Variants in NRXN3 observed in about 807,000 individuals in gnomAD.
The protein encoded by NRXN3 is neurexin III.
A neutral mutation model predicts 137.6 loss-of-function variants in NRXN3; 32 were observed. That is an observed-to-expected ratio of 0.23 (90% CI 0.18 to 0.31). The LOEUF (loss-of-function observed/expected upper bound fraction) is 0.31, where lower values mean the gene tolerates loss of function less well. Among genes scored for constraint, NRXN3 ranks in the 10% least tolerant of loss-of-function variants. NRXN3 has a pLI of 1.00. For synonymous variants in NRXN3, 798 were observed against 784.5 expected, an observed-to-expected ratio of 1.02 and a Z score of -0.29; for missense variants, 1,574 against 2,062.5, an observed-to-expected ratio of 0.76 and a Z score of 4.59.
At chr14:78,717,250 C>T (rs943574105) in intron 8 of NRXN3, among the ~76,000 whole-genome samples, 6 of 152,206 alleles carry the variant, frequency 3.9e-5, no homozygotes, top group South Asian at 2.1e-4. Flanking sequence ...GGTGAATCAA[C>T]GGGAGTTGGT....
intron 15 of NRXN3, among the ~76,000 whole-genome samples, chr14:79,348,196 A>T (rs1048380246): frequency 1.3e-5 from 2 of 152,106 alleles, no homozygotes; most frequent in Admixed American, 6.5e-5. Flanking sequence ...ATTTTTAATT[A>T]TTTAGTTGAC....
At chr14:79,742,286 T>A (rs184555707) in intron 19 of NRXN3, among the ~76,000 whole-genome samples, 199 of 152,340 alleles carry the variant, frequency 1.3e-3, no homozygotes, top group Middle Eastern at 3.4e-3. Flanking sequence ...GAGTTTTGCA[T>A]GATAATGTAC....
chr14:79,044,698 AACAC>A lies in NRXN3; in HGVS notation c.3262+56579_3262+56582del, dbSNP rs61363440. ...ATCTCAGAAAATAGACTCAAAAGTG[AACAC>A]ACACACACACACACACACACATATA... On this transcript the variant is annotated intron_variant, in intron 15 of 20. Transcript: ENST00000335750. Among the ~76,000 whole-genome samples, 216 of 149,616 alleles carry A rather than the reference AACAC, an allele frequency of 1.4e-3. 1 individual carries two copies. The highest frequency in any genetic ancestry group is 1.6e-3 in the Non-Finnish European group (105 of 67,146).
intron 15 of NRXN3, among the ~76,000 whole-genome samples, chr14:79,252,806 T>C (rs1347007650): frequency 6.6e-6 from 1 of 152,178 alleles, no homozygotes; most frequent in African/African-American, 2.4e-5. Flanking sequence ...ATACCTTCCC[T>C]CTGTTTTGTA....
intron 3 of NRXN3, among the ~76,000 whole-genome samples, chr14:78,280,394 AGAG>A (rs2074239425): frequency 6.6e-6 from 1 of 152,210 alleles, no homozygotes; most frequent in African/African-American, 2.4e-5. Context: ...GAAGCAGGAT[AGAG>A]GAGAAGTCCC....
At chr14:79,005,536 C>T (rs1212047129) in intron 15 of NRXN3, among the ~76,000 whole-genome samples, 1 of 152,178 alleles carries the variant, frequency 6.6e-6, no homozygotes, top group Non-Finnish European at 1.5e-5. Flanking sequence ...GTTTAAACAT[C>T]TCAAACCTCC....
chr14:79,146,644 A>G (rs572104609), intron 15 of NRXN3, among the ~76,000 whole-genome samples: 18 of 152,232 alleles, frequency 1.2e-4, no homozygotes, highest in Admixed American at 2.6e-4. Flanking sequence ...CAAATCCTAC[A>G]TAGACAGCAA....
chr14:78,917,755 T>C (rs953574360), intron 10 of NRXN3, among the ~76,000 whole-genome samples: 4 of 151,552 alleles, frequency 2.6e-5, no homozygotes, highest in Non-Finnish European at 5.9e-5. Context: ...AACATGGAGG[T>C]ATATGAGGAA....
chr14:79,336,809 C>T (rs2092294446), intron 15 of NRXN3, among the ~76,000 whole-genome samples: 1 of 152,188 alleles, frequency 6.6e-6, no homozygotes, highest in Admixed American at 6.5e-5. Context: ...TCCATCCACA[C>T]ATTCTTACTT....
At chr14:79,378,667 G>C (rs1195119058) in intron 15 of NRXN3, among the ~76,000 whole-genome samples, 1 of 152,132 alleles carries the variant, frequency 6.6e-6, no homozygotes, top group African/African-American at 2.4e-5. Flanking sequence ...CAGAGACTAT[G>C]TCTGATTCAT....
chr14:79,317,937 T>C (rs1397856147), intron 15 of NRXN3, among the ~76,000 whole-genome samples: 1 of 152,058 alleles, frequency 6.6e-6, no homozygotes, highest in African/African-American at 2.4e-5. Flanking sequence ...AGCAAAAGGA[T>C]TTCAAACCAA....
intron 15 of NRXN3, among the ~76,000 whole-genome samples, chr14:79,056,043 G>A (rs1292949992): frequency 6.6e-6 from 1 of 152,168 alleles, no homozygotes; most frequent in Non-Finnish European, 1.5e-5. Flanking sequence ...GAAAATACAT[G>A]TCGATATTGG....
At chr14:78,419,194 T>G (rs1323261532) in intron 4 of NRXN3, among the ~76,000 whole-genome samples, 1 of 152,228 alleles carries the variant, frequency 6.6e-6, no homozygotes, top group African/African-American at 2.4e-5. Flanking sequence ...GAGTTCATTC[T>G]TAGGCTGCTT....
chr14:78,482,447 G>A (rs775165727), intron 4 of NRXN3, among the ~76,000 whole-genome samples: 1 of 152,166 alleles, frequency 6.6e-6, no homozygotes, highest in Non-Finnish European at 1.5e-5. Flanking sequence ...CTCAAGGGGA[G>A]ACAATGAAAT....
intron 15 of NRXN3, among the ~76,000 whole-genome samples, chr14:79,246,003 G>A (rs1245914667): frequency 4.6e-5 from 7 of 152,130 alleles, no homozygotes; most frequent in African/African-American, 1.7e-4. Flanking sequence ...TGATGGCTCT[G>A]CCTCTGAAAA....
At chr14:78,386,983 T>C (rs1048404953) in intron 4 of NRXN3, among the ~76,000 whole-genome samples, 10 of 152,132 alleles carry the variant, frequency 6.6e-5, no homozygotes, top group African/African-American at 2.4e-4. Flanking sequence ...GGTTTCACCA[T>C]GTTGGTCAGG....
intron 16 of NRXN3, among the ~76,000 whole-genome samples, chr14:79,525,873 C>A (rs2097113912): frequency 6.6e-6 from 1 of 152,026 alleles, no homozygotes; most frequent in Non-Finnish European, 1.5e-5. Context: ...TTATTAGGAG[C>A]TTTCTACCTT....
chr14:79,812,759 T>C (rs2099238750), intron 20 of NRXN3, among the ~76,000 whole-genome samples: 1 of 152,110 alleles, frequency 6.6e-6, no homozygotes, highest in South Asian at 2.1e-4. Flanking sequence ...CGTTTTTAGG[T>C]AATAGGGTAA....
chr14:79,499,053 T>G (rs1319177503), intron 16 of NRXN3, among the ~76,000 whole-genome samples: 1 of 152,178 alleles, frequency 6.6e-6, no homozygotes, highest in Non-Finnish European at 1.5e-5. Context: ...CTGCCAATCT[T>G]TTCTCCTCAA....
Sources: allele counts gnomAD v4.1 joint callset (sites outside exome capture counted in the v4.1 genomes callset), GRCh38; gene constraint gnomAD v4.1.1; transcripts MANE v1.5; gene names NCBI Gene and HGNC (gene_info 2026-07-23, HGNC 2026-07-21).